Variants in CNTNAP5 observed in about 807,000 individuals in gnomAD.
CNTNAP5 encodes the protein contactin associated protein family member 5.
CNTNAP5 carries 72 observed loss-of-function variants against 150.2 expected under a neutral mutation model. The ratio of observed to expected loss-of-function variants is 0.48; its 90% CI spans 0.40 to 0.58. The LOEUF (loss-of-function observed/expected upper bound fraction) is 0.58. CNTNAP5 is among the 20% of genes least tolerant of loss of function. The pLI, the probability that CNTNAP5 is intolerant of heterozygous loss-of-function variation, is 0.00. For missense variants in CNTNAP5, 1,636 were observed against 1,626.2 expected (o/e 1.01, Z -0.10); for synonymous variants, 672 against 619.8 (o/e 1.08, Z -1.25).
chr2:124,259,006 C>T (rs528589924), intron 3 of CNTNAP5, among the ~76,000 whole-genome samples: 3 of 126,862 alleles, frequency 2.4e-5, no homozygotes, highest in Non-Finnish European at 3.2e-5. Context: ...ATCCCTCCCC[C>T]CTCCCCCCAC....
intron 10 of CNTNAP5, among the ~76,000 whole-genome samples, chr2:124,538,569 G>A (rs1028410582): frequency 7.4e-6 from 1 of 135,930 alleles, no homozygotes; most frequent in African/African-American, 2.8e-5. Flanking sequence ...AGAAAAGAAA[G>A]AAAGAAAGAA....
chr2:124,670,813 G>C (rs566279047), intron 13 of CNTNAP5, among the ~76,000 whole-genome samples: 39 of 152,176 alleles, frequency 2.6e-4, no homozygotes, highest in African/African-American at 8.9e-4. Context: ...CTTTATTTCT[G>C]TTCACTCTAT....
At chr2:124,729,907 T>C (rs915543921) in intron 13 of CNTNAP5, among the ~76,000 whole-genome samples, 1 of 152,112 alleles carries the variant, frequency 6.6e-6, no homozygotes. Flanking sequence ...CAGCCAACAA[T>C]GCATTAACTA....
At chr2:124,865,107 T>C (rs562839150) in intron 19 of CNTNAP5, among the ~76,000 whole-genome samples, 199 bp from the exon 20 acceptor site, 4 of 152,250 alleles carry the variant, frequency 2.6e-5, no homozygotes, top group African/African-American at 7.2e-5. Context: ...TCTCTCTCTC[T>C]CTGTCTCTCT....
At chr2:124,518,467 A>G (rs1694779666) in intron 8 of CNTNAP5, among the ~76,000 whole-genome samples, 1 of 152,186 alleles carries the variant, frequency 6.6e-6, no homozygotes, top group Non-Finnish European at 1.5e-5. Flanking sequence ...AAGCGAAGTC[A>G]TTTGGTGGGA....
At chr2:124,768,033 C>A (rs1207011973) in intron 16 of CNTNAP5, among the ~76,000 whole-genome samples, 1 of 152,120 alleles carries the variant, frequency 6.6e-6, no homozygotes, top group Admixed American at 6.6e-5. Context: ...CCAGGGCCTA[C>A]CCCCACACCA....
At chr2:124,660,125 G>C (rs542869126) in intron 13 of CNTNAP5, among the ~76,000 whole-genome samples, 2 of 152,160 alleles carry the variant, frequency 1.3e-5, no homozygotes, top group Admixed American at 1.3e-4. Context: ...CTATGTTTCA[G>C]ATACTTCCCA....
At chr2:124,252,006 T>C (rs569769057) in intron 3 of CNTNAP5, among the ~76,000 whole-genome samples, 11 of 152,224 alleles carry the variant, frequency 7.2e-5, no homozygotes, top group African/African-American at 1.9e-4. Context: ...TGCATGTAGA[T>C]GAGAGAAAGG....
intron 3 of CNTNAP5, among the ~76,000 whole-genome samples, chr2:124,373,583 C>T (rs13423913): frequency 0.047 from 7,133 of 151,892 alleles, 510 homozygotes; most frequent in African/African-American, 0.15. Flanking sequence ...TTCAAACGGA[C>T]AGCATATAAT....
intron 1 of CNTNAP5, among the ~76,000 whole-genome samples, chr2:124,198,359 T>TATG (rs1434701172): frequency 1.3e-5 from 2 of 152,182 alleles, no homozygotes; most frequent in African/African-American, 2.4e-5. Context: ...ACTCCCTTCT[T>TATG]ATGTATATAC....
Position 124,763,814 on chromosome 2 carries a change from G to C in CNTNAP5, c.2362+15G>C. Reference sequence around the variant, plus strand: ...CTATGGTGACCGTGAGTACAAAATCGAAAGAAGCTTTCTCTCTGCATTACA... The same window carrying C: ...CTATGGTGACCGTGAGTACAAAATCCAAAGAAGCTTTCTCTCTGCATTACA... On this transcript the variant is annotated intron_variant, in intron 15 of 23. Coordinates refer to ENST00000682447, the MANE Select transcript of CNTNAP5 (RefSeq NM_001367498.1). 6.2e-7 allele frequency: 1 copy of C among 1,612,406 alleles called. No individual in the cohort carries two copies. Among genetic ancestry groups the C allele is most frequent in the Non-Finnish European group, 8.5e-7 (1 of 1,179,234 alleles).
At chr2:124,858,900 A>C (rs1315849463) in intron 19 of CNTNAP5, among the ~76,000 whole-genome samples, 1 of 152,174 alleles carries the variant, frequency 6.6e-6, no homozygotes, top group Non-Finnish European at 1.5e-5. Flanking sequence ...CTTACATAAA[A>C]ATTAATTCAA....
At position 124,242,360 on chromosome 2, in the gene CNTNAP5, C is replaced by T; in HGVS notation, c.348C>T (p.Asn116=). The T allele has an allele frequency of 6.2e-7, 1 of 1,613,260 alleles. No homozygotes were observed. The highest frequency in any genetic ancestry group is 8.5e-7 in the Non-Finnish European group (1 of 1,179,644). ...TGATGTTCAGTGACACAGGACGCAACTGGAAACAGTACAAACAAGAAGACA... is the reference window on the plus strand; with the variant it reads ...TGATGTTCAGTGACACAGGACGCAATTGGAAACAGTACAAACAAGAAGACA... ...YSLMFSDTGR[N]WKQYKQEDSI... is the part of the protein sequence containing the mutation. The change falls in exon 3 of 24, where the codon AAC becomes AAT. Residue 116 remains asparagine (N), a synonymous_variant. Coordinates refer to ENST00000682447, the MANE Select transcript of CNTNAP5 (RefSeq NM_001367498.1).
chr2:124,883,070 CTTTT>C (rs61340026), intron 21 of CNTNAP5, among the ~76,000 whole-genome samples: 8,266 of 141,968 alleles, frequency 0.058, 447 homozygotes, highest in African/African-American at 0.15. Flanking sequence ...CATCCATTCT[CTTTT>C]TTTTTTTTTT....
intron 13 of CNTNAP5, among the ~76,000 whole-genome samples, chr2:124,731,717 T>G (rs1488320375): frequency 6.6e-6 from 1 of 151,838 alleles, no homozygotes; most frequent in Non-Finnish European, 1.5e-5. Flanking sequence ...TGTAAGAATG[T>G]GTGTATGGGT....
intron 3 of CNTNAP5, among the ~76,000 whole-genome samples, chr2:124,391,229 A>C (rs1449235294): frequency 6.6e-6 from 1 of 152,316 alleles, no homozygotes; most frequent in African/African-American, 2.4e-5. Context: ...TAACAGATAC[A>C]CCATTTGTTA....
At position 124,504,397 on chromosome 2, in the gene CNTNAP5, C is replaced by A; in HGVS notation, c.1168C>A (p.Leu390Ile). The change falls in exon 8 of 24, where the codon CTC becomes ATC. Residue 390 changes from leucine to isoleucine, a missense_variant. Leu to Ile is a conservative substitution (Grantham distance 5). Transcript: ENST00000682447. ...GCCCGGCACCCCCCAAATTGATGGG[C>A]TCTCAGTGAGTTTCCAGTTTCGAAC... ...LLPGTPQIDG[L>I]SVSFQFRTWN... 6.2e-7 allele frequency: 1 copy of A among 1,613,970 alleles called. No homozygotes were observed.
At chr2:124,606,803 T>C (rs1677230948) in intron 11 of CNTNAP5, among the ~76,000 whole-genome samples, 2 of 152,122 alleles carry the variant, frequency 1.3e-5, no homozygotes, top group African/African-American at 4.8e-5. Context: ...TGAGAGCAGC[T>C]CAGGAAAGAC....
At chr2:124,730,378 T>G (rs947416574) in intron 13 of CNTNAP5, among the ~76,000 whole-genome samples, 1 of 151,914 alleles carries the variant, frequency 6.6e-6, no homozygotes, top group African/African-American at 2.4e-5. Flanking sequence ...CAAACAGATA[T>G]GTATTTATTC....
Sources: gnomAD v4.1 joint callset for allele counts (sites outside exome capture counted in the v4.1 genomes callset) on GRCh38, gnomAD v4.1.1 for gene constraint, MANE v1.5 for transcripts, NCBI Gene and HGNC (gene_info 2026-07-23, HGNC 2026-07-21) for gene names.